CDH3: variants seen among roughly 807,000 people sequenced by gnomAD.
CDH3 encodes cadherin-3.
Under a neutral mutation model 82.0 loss-of-function variants are expected in CDH3, and 54 were observed. The observed-to-expected ratio is 0.66, with a 90% CI of 0.53 to 0.83. The LOEUF is 0.83. CDH3 is among the 40% of genes least tolerant of loss of function. CDH3 has a pLI of 0.00. For synonymous variants in CDH3, 446 were observed against 437.9 expected, an observed-to-expected ratio of 1.02 and a Z score of -0.23; for missense variants, 1,054 against 1,084.6, an observed-to-expected ratio of 0.97 and a Z score of 0.40.
chr16:68,707,291 G>T lies in CDH3; in HGVS notation c.99+11368G>T, dbSNP rs1961976871. 6.6e-6 allele frequency among the ~76,000 whole-genome samples: 1 copy of T among 152,314 alleles called. No homozygotes were observed. Among genetic ancestry groups the T allele is most frequent in the South Asian group, 2.1e-4 (1 of 4,832 alleles). On this transcript the variant is annotated intron_variant, in intron 1 of 2. Transcript: ENST00000569080. This position sits in a 1 kb window ranked among gnomAD's most constrained non-coding sequence, Gnocchi z 4.5. Reference sequence around the variant, plus strand: ...AGGTTGGACAGGTAAGGAGCGGGGGGCCAAGGCGCCCAGTCCTGGGTGTCC... The same window carrying T: ...AGGTTGGACAGGTAAGGAGCGGGGGTCCAAGGCGCCCAGTCCTGGGTGTCC...
At chr16:68,645,826 C>A in intron 2 of CDH3, 76 bp downstream of exon 2, 1 of 1,134,310 alleles carries the variant, frequency 8.8e-7, no homozygotes, top group Non-Finnish European at 1.3e-6. Context: ...GAGGGGTGTT[C>A]GGGCCGGGGC....
chr16:68,715,854 C>G (rs1021714348), intron 1 of CDH3, among the ~76,000 whole-genome samples: 1 of 152,242 alleles, frequency 6.6e-6, no homozygotes, highest in African/African-American at 2.4e-5. Flanking sequence ...GTTCAAAAAC[C>G]TGAAACAAGC....
intron 2 of CDH3, among the ~76,000 whole-genome samples, chr16:68,655,489 A>G (rs912672432): frequency 2.6e-5 from 4 of 152,204 alleles, no homozygotes; most frequent in Admixed American, 1.3e-4. Context: ...CCTGGCCTCA[A>G]AGGGCCACTT....
intron 2 of CDH3, chr16:68,646,086 T>G: frequency 2.1e-5 from 7 of 331,960 alleles, no homozygotes; most frequent in East Asian, 6.7e-5. Context: ...GGCCACATTC[T>G]TCCCCCAACC....
chr16:68,680,077 G>A, intron 7 of CDH3, 103 bp downstream of exon 7: 2 of 1,122,302 alleles, frequency 1.8e-6, no homozygotes, highest in Admixed American at 1.7e-5. Context: ...GCCCAAGGCA[G>A]AACAGTGAGG....
At chr16:68,724,212 G>C (rs1437681425) in intron 2 of CDH3, among the ~76,000 whole-genome samples, 1 of 152,194 alleles carries the variant, frequency 6.6e-6, no homozygotes, top group Non-Finnish European at 1.5e-5. Flanking sequence ...TCCAGCCTGG[G>C]CGACAGAGCA....
chr16:68,691,690 C>T (rs1961577868), intron 12 of CDH3, 30 bp from the exon 13 acceptor site: 1 of 1,575,276 alleles, frequency 6.3e-7, no homozygotes, highest in Non-Finnish European at 8.7e-7. Flanking sequence ...TGATGGTTCC[C>T]ACAGCTAATC....
At chr16:68,730,665 G>C (rs1962273349), downstream of CDH3, among the ~76,000 whole-genome samples, 1 of 152,156 alleles carries the variant, frequency 6.6e-6, no homozygotes, top group African/African-American at 2.4e-5. Flanking sequence ...TTTAAAAGAT[G>C]TCTTTCTCAG....
chr16:68,674,175 C>G (rs1326029060), intron 2 of CDH3, among the ~76,000 whole-genome samples: 1 of 152,166 alleles, frequency 6.6e-6, no homozygotes, highest in African/African-American at 2.4e-5. Flanking sequence ...TCCAATTTCC[C>G]TCTATCCTTG....
At chr16:68,696,028 C>A in intron 15 of CDH3, 105 bp downstream of exon 15, 1 of 1,208,978 alleles carries the variant, frequency 8.3e-7, no homozygotes, top group Non-Finnish European at 1.2e-6. Context: ...GGTTCAAATT[C>A]TGACTCCACC....
rs780052295 is a variant in CDH3, at chr16:68,645,334, A to C, written c.-46A>C. ...CAAAGGGGCAAGAGCTGAGCGGAACACCGGCCCGCCGTCGCGGCAGCTGCT... is the reference window on the plus strand; with the variant it reads ...CAAAGGGGCAAGAGCTGAGCGGAACCCCGGCCCGCCGTCGCGGCAGCTGCT... On this transcript the variant is annotated 5_prime_UTR_variant, in exon 1 of 16. Coordinates refer to ENST00000264012, the MANE Select transcript of CDH3 (RefSeq NM_001793.6). The C allele has an allele frequency of 3.7e-6, 6 of 1,602,406 alleles. No individual in the cohort carries two copies. The highest frequency in any genetic ancestry group is 1.7e-4 in the Middle Eastern group (1 of 6,048).
chr16:68,653,682 C>CTTTTT (rs1960316532), intron 2 of CDH3, among the ~76,000 whole-genome samples: 1 of 149,556 alleles, frequency 6.7e-6, no homozygotes, highest in Non-Finnish European at 1.5e-5. Context: ...CTTTTCTTTT[C>CTTTTT]TTTTCTTTCT....
intron 15 of CDH3, among the ~76,000 whole-genome samples, chr16:68,697,858 GA>G (rs1032181579): frequency 2.0e-5 from 3 of 152,056 alleles, no homozygotes; most frequent in Admixed American, 6.6e-5. Flanking sequence ...AAAAAAGGAA[GA>G]AAAAAACTAT....
chr16:68,700,683 C>T (rs1182569053), downstream of CDH3, among the ~76,000 whole-genome samples: 1 of 152,216 alleles, frequency 6.6e-6, no homozygotes, highest in African/African-American at 2.4e-5. Context: ...CCGGCCTACA[C>T]ACACATTTTT....
downstream of CDH3, among the ~76,000 whole-genome samples, chr16:68,731,079 A>G (rs1406334338): frequency 9.6e-6 from 1 of 103,898 alleles, no homozygotes; most frequent in African/African-American, 3.8e-5. Flanking sequence ...TATATATATA[A>G]TTATAAAAAT....
chr16:68,685,239 G>A lies in CDH3; in HGVS notation c.1459G>A (p.Ala487Thr). The part of the protein sequence containing the change: ...RILRDPAGWL[A>T]MDPDSGQVTA... ...CCTGAGAGACCCAGCAGGGTGGCTA[G>A]CCATGGACCCAGACAGTGGGCAGGT... The change falls in exon 11 of 16, where the codon GCC becomes ACC. Residue 487 changes from alanine to threonine, a missense_variant. Ala to Thr is a moderately conservative substitution (Grantham distance 58). Transcript: ENST00000264012. 1 of 1,614,144 alleles carries A rather than the reference G, an allele frequency of 6.2e-7. No individual in the cohort carries two copies. The highest frequency in any genetic ancestry group is 1.1e-5 in the South Asian group (1 of 91,082).
intron 2 of CDH3, chr16:68,651,001 T>G: frequency 1.3e-5 from 4 of 302,654 alleles, no homozygotes; most frequent in East Asian, 9.3e-5. Flanking sequence ...AGGGAGACGA[T>G]GTGGGGAGAG....
intron 13 of CDH3, 152 bp from the exon 14 acceptor site, chr16:68,695,103 A>G: frequency 2.4e-6 from 2 of 829,402 alleles, no homozygotes; most frequent in Middle Eastern, 3.0e-4. Flanking sequence ...TAAAGAGTTG[A>G]AGTTTTCCTA....
At chr16:68,702,032 T>G (rs1961903566), downstream of CDH3, among the ~76,000 whole-genome samples, 1 of 151,678 alleles carries the variant, frequency 6.6e-6, no homozygotes, top group East Asian at 2.0e-4. Flanking sequence ...CTAAAAAATA[T>G]ATATATCTAT....
Sources: allele counts gnomAD v4.1 joint callset (sites outside exome capture counted in the v4.1 genomes callset), GRCh38; gene constraint gnomAD v4.1.1; non-coding constraint Gnocchi (gnomAD v3.1); transcripts MANE v1.5; gene names NCBI Gene and HGNC (gene_info 2026-07-23, HGNC 2026-07-21).